KCTD8: variants seen among roughly 807,000 people sequenced by gnomAD.
The protein encoded by KCTD8 is BTB/POZ domain-containing protein KCTD8.
Under a neutral mutation model 31.5 loss-of-function variants are expected in KCTD8, and 27 were observed. The observed-to-expected ratio is 0.86, with a 90% CI of 0.63 to 1.18. KCTD8 has a LOEUF of 1.18. KCTD8 is among the 50% of genes most tolerant of loss of function. The pLI is 0.00. For synonymous variants in KCTD8, 290 were observed against 280.0 expected (o/e 1.04, Z -0.36); for missense variants, 658 against 647.7 (o/e 1.02, Z -0.17).
chr4:44,263,395 C>G (rs1716241422), intron 1 of KCTD8, among the ~76,000 whole-genome samples: 1 of 152,074 alleles, frequency 6.6e-6, no homozygotes, highest in South Asian at 2.1e-4. Flanking sequence ...ATGAGGTTGC[C>G]TCTGGGAGAA....
At chr4:44,316,089 T>C (rs1156882501) in intron 1 of KCTD8, among the ~76,000 whole-genome samples, 1 of 152,056 alleles carries the variant, frequency 6.6e-6, no homozygotes, top group Non-Finnish European at 1.5e-5. Flanking sequence ...TACTTAACTT[T>C]CCTCATAATC....
intron 1 of KCTD8, among the ~76,000 whole-genome samples, chr4:44,408,892 C>T (rs532055339): frequency 6.6e-6 from 1 of 152,112 alleles, no homozygotes; most frequent in Non-Finnish European, 1.5e-5. Flanking sequence ...GCTGGGATTA[C>T]AGGTGTGAGC....
At position 44,429,055 on chromosome 4, in the gene KCTD8, G is replaced by A. The variant is rs537869151; in HGVS notation, c.961+18508C>T. Reference sequence around the variant, plus strand: ...TGGGTGGCATGGAGATGGTGAGAAGGGAGACAGAGAAGAACTAAAGTAACT... The same window carrying A: ...TGGGTGGCATGGAGATGGTGAGAAGAGAGACAGAGAAGAACTAAAGTAACT... On this transcript the variant is annotated intron_variant, in intron 1 of 1. Transcript: ENST00000360029. Among the ~76,000 whole-genome samples, 6 of 151,728 alleles carry A rather than the reference G, an allele frequency of 4.0e-5. No homozygotes were observed. The South Asian group carries it at 1.0e-3, about 26-fold the overall frequency.
chr4:44,175,392 G>T (rs1713185770), intron 1 of KCTD8, 142 bp from the exon 2 acceptor site: 1 of 526,694 alleles, frequency 1.9e-6, no homozygotes, highest in South Asian at 3.9e-5. Context: ...ACTAGTCTAG[G>T]TTTGTGAGAT....
At chr4:44,303,240 A>G (rs960684736) in intron 1 of KCTD8, among the ~76,000 whole-genome samples, 3 of 152,086 alleles carry the variant, frequency 2.0e-5, no homozygotes, top group African/African-American at 7.3e-5. Context: ...TCATAAAATG[A>G]GTTAGGGAGG....
chr4:44,442,662 C>G (rs540908104), intron 1 of KCTD8, among the ~76,000 whole-genome samples: 1 of 152,246 alleles, frequency 6.6e-6, no homozygotes, highest in South Asian at 2.1e-4. Context: ...ATCATTTTCA[C>G]ATTTTTAAAC....
intron 1 of KCTD8, among the ~76,000 whole-genome samples, chr4:44,386,396 C>A (rs1220099149): frequency 1.3e-5 from 2 of 151,302 alleles, no homozygotes; most frequent in African/African-American, 4.8e-5. Context: ...GTGCAAGCAA[C>A]TTTATAGGAA....
intron 1 of KCTD8, among the ~76,000 whole-genome samples, chr4:44,382,295 T>A (rs1018956524): frequency 6.6e-6 from 1 of 151,774 alleles, no homozygotes; most frequent in African/African-American, 2.4e-5. Context: ...TTGAAAAAAA[T>A]TAACACCCTT....
intron 1 of KCTD8, among the ~76,000 whole-genome samples, chr4:44,210,225 A>G (rs1329925290): frequency 6.6e-6 from 1 of 152,228 alleles, no homozygotes; most frequent in Non-Finnish European, 1.5e-5. Context: ...TTCAGTAAAT[A>G]TGAATCCTTT....
intron 1 of KCTD8, among the ~76,000 whole-genome samples, chr4:44,309,704 T>C (rs1281448590): frequency 1.3e-5 from 2 of 152,134 alleles, no homozygotes; most frequent in East Asian, 1.9e-4. Context: ...AGAGCACTCA[T>C]TGCAGATATT....
At chr4:44,183,350 TC>T (rs1713484905) in intron 1 of KCTD8, among the ~76,000 whole-genome samples, 1 of 152,134 alleles carries the variant, frequency 6.6e-6, no homozygotes, top group African/African-American at 2.4e-5. Flanking sequence ...ATTTTTATGT[TC>T]AAAAGGGTAT....
chr4:44,385,362 G>T (rs796286054), intron 1 of KCTD8, among the ~76,000 whole-genome samples: 2 of 151,578 alleles, frequency 1.3e-5, no homozygotes, highest in Non-Finnish European at 3.0e-5. Flanking sequence ...ACATATAGAC[G>T]AAGGAAATAG....
chr4:44,321,150 T>A (rs773527078), intron 1 of KCTD8, among the ~76,000 whole-genome samples: 19 of 152,344 alleles, frequency 1.2e-4, no homozygotes, highest in Non-Finnish European at 2.4e-4. Flanking sequence ...CTTCAAAGTA[T>A]CTGTTTAAAT....
At chr4:44,182,803 A>G (rs1235220573) in intron 1 of KCTD8, among the ~76,000 whole-genome samples, 1 of 152,168 alleles carries the variant, frequency 6.6e-6, no homozygotes, top group Non-Finnish European at 1.5e-5. Context: ...AAATAAATAA[A>G]TAAATAAAAA....
At chr4:44,360,541 A>G (rs1010008952) in intron 1 of KCTD8, among the ~76,000 whole-genome samples, 9 of 152,192 alleles carry the variant, frequency 5.9e-5, no homozygotes, top group African/African-American at 2.2e-4. Flanking sequence ...AAGTCTAGAG[A>G]AGTAAACTAA....
At chr4:44,354,599 C>A (rs1026918672) in intron 1 of KCTD8, among the ~76,000 whole-genome samples, 2 of 152,134 alleles carry the variant, frequency 1.3e-5, no homozygotes, top group Non-Finnish European at 2.9e-5. Context: ...TGAGCACTTA[C>A]TGTCTGTCCT....
chr4:44,341,587 C>T (rs557922847), intron 1 of KCTD8, among the ~76,000 whole-genome samples: 1 of 152,322 alleles, frequency 6.6e-6, no homozygotes, highest in South Asian at 2.1e-4. Flanking sequence ...GAAATGGATT[C>T]TGTCTCAAGA....
At chr4:44,203,418 A>C (rs1195527192) in intron 1 of KCTD8, among the ~76,000 whole-genome samples, 1 of 151,472 alleles carries the variant, frequency 6.6e-6, no homozygotes, top group Admixed American at 6.6e-5. Flanking sequence ...TGAACCCAGG[A>C]AGCGGAGGTT....
chr4:44,358,467 C>T (rs1436746640), intron 1 of KCTD8, among the ~76,000 whole-genome samples: 3 of 152,138 alleles, frequency 2.0e-5, no homozygotes, highest in African/African-American at 7.2e-5. Flanking sequence ...GAGGAATCAC[C>T]ACACTGTCTT....
Sources: gnomAD v4.1 joint callset for allele counts (sites outside exome capture counted in the v4.1 genomes callset) on GRCh38, gnomAD v4.1.1 for gene constraint, MANE v1.5 for transcripts, NCBI Gene and HGNC (gene_info 2026-07-23, HGNC 2026-07-21) for gene names.